Variants in CARHSP1 observed in about 807,000 individuals in gnomAD.
CARHSP1 encodes calcium-regulated heat-stable protein 1.
In CARHSP1, 14 loss-of-function variants were observed where a neutral mutation model predicts 12.5. The observed-to-expected ratio is 1.12, with a 90% CI of 0.74 to 1.75. CARHSP1 has a LOEUF of 1.75. CARHSP1 is among the 40% of genes most tolerant of loss of function. CARHSP1 has a pLI of 0.00. For synonymous variants in CARHSP1, 161 were observed against 82.0 expected (o/e 1.96, Z -5.20); for missense variants, 343 against 201.6 (o/e 1.70, Z -4.25).
rs537614451 is a variant in CARHSP1, at chr16:8,861,989, C to CTTTTTTTTTTTTTTTTTTTT, written c.-7-2674_-7-2655dup. 2.8e-4 allele frequency among the ~76,000 whole-genome samples: 22 copies of CTTTTTTTTTTTTTTTTTTTT among 79,806 alleles called. 4 individuals are homozygous for CTTTTTTTTTTTTTTTTTTTT. The highest frequency in any genetic ancestry group is 7.1e-4 in the Admixed American group (5 of 7,042). The allele number at this position is 79,806 out of a possible 152,430, so 52.4% of individuals were successfully genotyped here. A position where few individuals can be genotyped will look rare whatever the true frequency, so the allele number is the denominator to read the frequency against. ...TTCTCCTGGAGTCAAGCATAGCTGA[C>CTTTTTTTTTTTTTTTTTTTT]TTTTTTTTTTTTTTTTTTTTTTTTT... On this transcript the variant is annotated intron_variant, in intron 1 of 3. Transcript: ENST00000311052.
Position 8,854,353 on chromosome 16 carries a change from C to T in CARHSP1, c.*811G>A, listed in dbSNP as rs954686816. 2 of 152,094 alleles carry T rather than the reference C, an allele frequency of 1.3e-5. No homozygotes were observed. Among genetic ancestry groups the T allele is most frequent in the African/African-American group, 4.8e-5 (2 of 41,418 alleles). 9.4% of individuals were successfully genotyped at this position (152,094 alleles called of 1,614,324 possible). A position where few individuals can be genotyped will look rare whatever the true frequency, so the allele number is the denominator to read the frequency against. Reference sequence around the variant, plus strand: ...CTGTGTCCTCTCCACAAGCCCTTCCCACCACCACCACCCCAGCCCCCCGCC... The same window carrying T: ...CTGTGTCCTCTCCACAAGCCCTTCCTACCACCACCACCCCAGCCCCCCGCC... On this transcript the variant is annotated 3_prime_UTR_variant, in exon 4 of 4. Coordinates refer to ENST00000311052, the MANE Select transcript of CARHSP1 (RefSeq NM_014316.4).
chr16:8,858,553 G>C, intron 2 of CARHSP1, 81 bp from the exon 3 acceptor site: 1 of 1,547,734 alleles, frequency 6.5e-7, no homozygotes, highest in South Asian at 1.2e-5. Flanking sequence ...GCCCACAGCT[G>C]TGCCCCATCA....
intron 1 of CARHSP1, among the ~76,000 whole-genome samples, chr16:8,864,524 G>A (rs568047032): frequency 6.6e-6 from 1 of 152,316 alleles, no homozygotes; most frequent in Non-Finnish European, 1.5e-5. Flanking sequence ...GAGACACAAA[G>A]AGTCAAGTAA....
intron 2 of CARHSP1, 24 bp from the exon 3 acceptor site, chr16:8,858,496 G>A: frequency 6.2e-7 from 1 of 1,611,572 alleles, no homozygotes; most frequent in South Asian, 1.1e-5. Context: ...GGAAATGTCA[G>A]GGGCCCCATC....
intron 2 of CARHSP1, chr16:8,858,791 C>G (rs759051364): frequency 2.8e-5 from 12 of 423,868 alleles, no homozygotes; most frequent in African/African-American, 2.2e-4. Flanking sequence ...ATCCTCCACT[C>G]GCAAGGCCTG....
chr16:8,861,776 A>G (rs2061363195), intron 1 of CARHSP1: 3 of 1,273,776 alleles, frequency 2.4e-6, no homozygotes, highest in African/African-American at 1.5e-5. Context: ...GGGCCCCCGC[A>G]TGACCTACCA....
rs377505043 is a variant in CARHSP1 at position 8,863,358 on chromosome 16, G to A, written c.-7-4023C>T. Among the ~76,000 whole-genome samples the A allele has an allele frequency of 2.8e-4, 42 of 152,076 alleles. 1 individual carries two copies. The South Asian group carries it at 7.3e-3, about 26-fold the overall frequency. The stretch of plus-strand genomic sequence containing the variant: ...AAACTCCTGGGCTCAAGCGATCGGC[G>A]CACCTTGGCTTCCCAAAGTGCTGGG... On this transcript the variant is annotated intron_variant, in intron 1 of 3. Transcript: ENST00000311052.
chr16:8,856,212 A>G (rs965385318), intron 3 of CARHSP1, among the ~76,000 whole-genome samples: 2 of 152,086 alleles, frequency 1.3e-5, no homozygotes, highest in Admixed American at 1.3e-4. Context: ...TTTCTAGGGG[A>G]CATGAGTCAC....
intron 3 of CARHSP1, among the ~76,000 whole-genome samples, chr16:8,857,041 G>A (rs1453230874): frequency 1.3e-5 from 2 of 152,096 alleles, no homozygotes; most frequent in East Asian, 3.9e-4. Flanking sequence ...TCCCCCAAAG[G>A]AGGGCAGGAA....
chr16:8,856,765 G>A (rs375260333), intron 3 of CARHSP1, among the ~76,000 whole-genome samples: 2 of 152,240 alleles, frequency 1.3e-5, no homozygotes, highest in South Asian at 2.1e-4. Context: ...GGGGTGCTTA[G>A]GCCAAAGAAG....
chr16:8,853,220 G>C lies in CARHSP1; in HGVS notation c.*1944C>G, dbSNP rs1657067. On this transcript the variant is annotated 3_prime_UTR_variant, in exon 4 of 4. Transcript: ENST00000311052. ...AGGATTCTGCCAAGACAGAATCCCAGGGTCACAGGAGAGAGGCTTGGGGCA... is the reference window on the plus strand; with the variant it reads ...AGGATTCTGCCAAGACAGAATCCCACGGTCACAGGAGAGAGGCTTGGGGCA... 4 of 152,182 alleles carry C rather than the reference G, an allele frequency of 2.6e-5. No homozygotes were observed. The highest frequency in any genetic ancestry group is 7.2e-5 in the African/African-American group (3 of 41,470). The allele number at this position is 152,182 out of a possible 1,614,324, so 9.4% of individuals were successfully genotyped here.
chr16:8,857,281 T>TGTTTTTTTTTGA (rs1567181234), intron 3 of CARHSP1, among the ~76,000 whole-genome samples: 1 of 123,046 alleles, frequency 8.1e-6, no homozygotes, highest in Non-Finnish European at 1.7e-5. Context: ...TTTTTTTTTT[T>TGTTTTTTTTTGA]TTTTTTTTTT....
rs529483807 is a variant in CARHSP1 at position 8,856,101 on chromosome 16, G to A, written c.282-775C>T. 7.2e-5 allele frequency among the ~76,000 whole-genome samples: 11 copies of A among 152,260 alleles called. No homozygotes were observed. In the South Asian group the frequency reaches 1.2e-3, roughly 17 times the overall value. On this transcript the variant is annotated intron_variant, in intron 3 of 3. Transcript: ENST00000311052. ...TGGGATTACAAGCGTGAGCCACCAC[G>A]CCTGGACTCCCGGTGAGCCTTCAAG...
intron 1 of CARHSP1, among the ~76,000 whole-genome samples, chr16:8,861,051 AAAAAAAAT>A (rs1296483873): frequency 1.3e-5 from 1 of 78,106 alleles, no homozygotes. Context: ...CTCCGTCTCA[AAAAAAAAT>A]AAATAACTTT....
At chr16:8,857,486 T>C (rs1255534921) in intron 3 of CARHSP1, 1 of 30,390 alleles carries the variant, frequency 3.3e-5, no homozygotes, top group Non-Finnish European at 7.0e-5. Context: ...ATTTTTGTGA[T>C]GACAGGATTT....
In CARHSP1 at chr16:8,853,919, C is replaced by T. The variant is rs1018212780; in HGVS notation, c.*1245G>A. ...TGCCCAACATGATGAAACCTGGTCTCTACTAAAAATACAAAAATTAACCGG... is the reference window on the plus strand; with the variant it reads ...TGCCCAACATGATGAAACCTGGTCTTTACTAAAAATACAAAAATTAACCGG... On this transcript the variant is annotated 3_prime_UTR_variant, in exon 4 of 4. Transcript: ENST00000311052. 1 of 152,220 alleles carries T rather than the reference C, an allele frequency of 6.6e-6. No individual in the cohort carries two copies. Among genetic ancestry groups the T allele is most frequent in the Admixed American group, 6.5e-5 (1 of 15,278 alleles). 9.4% of individuals were successfully genotyped at this position (152,220 alleles called of 1,614,324 possible).
chr16:8,863,329 T>C (rs2061401341), intron 1 of CARHSP1, among the ~76,000 whole-genome samples: 1 of 151,870 alleles, frequency 6.6e-6, no homozygotes, highest in Non-Finnish European at 1.5e-5. Context: ...CCCAGGCTGG[T>C]CTTAAACTCC....
chr16:8,857,158 ACATGCAC>A, intron 3 of CARHSP1, among the ~76,000 whole-genome samples: 1 of 151,022 alleles, frequency 6.6e-6, no homozygotes, highest in East Asian at 2.0e-4. Context: ...CTGCTCACAC[ACATGCAC>A]CATGCACAGC....
At chr16:8,860,337 A>AC in intron 1 of CARHSP1, 5 of 985,168 alleles carry the variant, frequency 5.1e-6, no homozygotes, top group Non-Finnish European at 6.0e-6. Flanking sequence ...TCCTTCTGTG[A>AC]CCCCTAGTAT....
Sources: gnomAD v4.1 joint callset for allele counts (sites outside exome capture counted in the v4.1 genomes callset) on GRCh38, gnomAD v4.1.1 for gene constraint, MANE v1.5 for transcripts, NCBI Gene and HGNC (gene_info 2026-07-23, HGNC 2026-07-21) for gene names.